AGBL4: variants seen among roughly 807,000 people sequenced by gnomAD.
AGBL4 encodes the protein AGBL carboxypeptidase 4, also known as cytosolic carboxypeptidase 6.
A neutral mutation model predicts 66.4 loss-of-function variants in AGBL4; 58 were observed. The ratio of observed to expected loss-of-function variants is 0.87; its 90% CI spans 0.71 to 1.09. AGBL4 has a LOEUF of 1.09. Among genes scored for constraint, AGBL4 ranks in the 50% least tolerant of loss-of-function variants. AGBL4 has a pLI of 0.00. For missense variants in AGBL4, 579 were observed against 631.0 expected (o/e 0.92, Z 0.88); for synonymous variants, 234 against 222.9 (o/e 1.05, Z -0.44).
intron 3 of AGBL4, among the ~76,000 whole-genome samples, chr1:49,621,025 T>TG (rs1413064286): frequency 6.6e-6 from 1 of 152,168 alleles, no homozygotes; most frequent in Non-Finnish European, 1.5e-5. Flanking sequence ...AGCACCAAAA[T>TG]GACATGTTTG....
intron 2 of AGBL4, among the ~76,000 whole-genome samples, chr1:49,768,459 T>G (rs1643957778): frequency 6.6e-6 from 1 of 152,212 alleles, no homozygotes; most frequent in Non-Finnish European, 1.5e-5. Context: ...GAAAATGCTT[T>G]TGATAGAAAC....
intron 2 of AGBL4, among the ~76,000 whole-genome samples, chr1:49,741,199 T>TA (rs1181756936): frequency 6.6e-6 from 1 of 151,888 alleles, no homozygotes; most frequent in Non-Finnish European, 1.5e-5. Context: ...ATAGATGCAA[T>TA]AAAAAATGAT....
intron 3 of AGBL4, among the ~76,000 whole-genome samples, chr1:49,269,580 AG>A (rs1474357577): frequency 6.6e-6 from 1 of 152,132 alleles, no homozygotes; most frequent in Admixed American, 6.6e-5. Flanking sequence ...ACTACCTGTG[AG>A]GTTTCATTTA....
intron 9 of AGBL4, among the ~76,000 whole-genome samples, chr1:48,622,309 C>T (rs959266863): frequency 1.1e-4 from 17 of 152,182 alleles, no homozygotes; most frequent in Middle Eastern, 3.4e-3. Flanking sequence ...TTGCTTGACC[C>T]CTAAGTCCAG....
chr1:48,691,765 G>A (rs911672025), intron 6 of AGBL4, among the ~76,000 whole-genome samples: 24 of 152,156 alleles, frequency 1.6e-4, no homozygotes, highest in African/African-American at 5.8e-4. Context: ...GCCTCACATA[G>A]CTGTTAGTGC....
At chr1:49,932,070 T>TA (rs973589955) in intron 1 of AGBL4, among the ~76,000 whole-genome samples, 12 of 152,082 alleles carry the variant, frequency 7.9e-5, no homozygotes, top group South Asian at 2.1e-4. Context: ...TATTCCAAAA[T>TA]AAAAAAAATC....
At chr1:48,762,530 TC>T (rs2148664827) in intron 6 of AGBL4, among the ~76,000 whole-genome samples, 1 of 152,232 alleles carries the variant, frequency 6.6e-6, no homozygotes, top group East Asian at 1.9e-4. Flanking sequence ...CACTGGTGTA[TC>T]CCAAATGCGT....
intron 2 of AGBL4, among the ~76,000 whole-genome samples, chr1:49,830,164 T>C (rs918502927): frequency 6.6e-6 from 1 of 152,216 alleles, no homozygotes; most frequent in East Asian, 1.9e-4. Flanking sequence ...ATGGTATTTC[T>C]GGTTCTAGAT....
At chr1:49,116,878 A>T (rs1386564552) in intron 4 of AGBL4, among the ~76,000 whole-genome samples, 1 of 152,162 alleles carries the variant, frequency 6.6e-6, no homozygotes, top group Admixed American at 6.5e-5. Context: ...CCTCTCCAGC[A>T]TCTGTTGTTT....
At chr1:49,623,821 A>G (rs1381977912) in intron 3 of AGBL4, among the ~76,000 whole-genome samples, 1 of 152,232 alleles carries the variant, frequency 6.6e-6, no homozygotes, top group Non-Finnish European at 1.5e-5. Context: ...TGCAGGGCCT[A>G]AAGTACAGCA....
intron 4 of AGBL4, among the ~76,000 whole-genome samples, chr1:49,146,662 T>C (rs1646223914): frequency 6.6e-6 from 1 of 152,188 alleles, no homozygotes; most frequent in Admixed American, 6.5e-5. Context: ...TCATCAGATA[T>C]ACTTGTCATA....
chr1:49,566,332 G>A (rs563545943), intron 3 of AGBL4, among the ~76,000 whole-genome samples: 128 of 152,192 alleles, frequency 8.4e-4, no homozygotes, highest in Middle Eastern at 6.8e-3. Context: ...GCTTTGTTCC[G>A]TTGCTGGTGA....
At position 49,064,085 on chromosome 1, in the gene AGBL4, A is replaced by C. The variant is rs115157169; in HGVS notation, c.378-18285T>G. 5.6e-3 allele frequency among the ~76,000 whole-genome samples: 851 copies of C among 152,328 alleles called. 7 individuals carry two copies. The highest frequency in any genetic ancestry group is 7.0e-3 in the Non-Finnish European group (474 of 68,030). On this transcript the variant is annotated intron_variant, in intron 4 of 13. Transcript: ENST00000371839. ...GGGAATGGTAGTATTTTTCTCACAT[A>C]TTTATTCAAAGCATCTAATAATAAA...
At chr1:49,007,618 A>G (rs1266723599) in intron 5 of AGBL4, among the ~76,000 whole-genome samples, 1 of 152,036 alleles carries the variant, frequency 6.6e-6, no homozygotes, top group Non-Finnish European at 1.5e-5. Context: ...TGTTAAGGGA[A>G]GCCAGAGAGA....
intron 4 of AGBL4, among the ~76,000 whole-genome samples, chr1:49,206,279 T>C (rs569910907): frequency 6.6e-6 from 1 of 152,166 alleles, no homozygotes; most frequent in Middle Eastern, 3.4e-3. Flanking sequence ...GGGATAAATA[T>C]ACTGAATTAC....
chr1:48,733,444 AAAG>A (rs1455149775), intron 6 of AGBL4, among the ~76,000 whole-genome samples: 1 of 152,204 alleles, frequency 6.6e-6, no homozygotes, highest in African/African-American at 2.4e-5. Context: ...TTCCTCTGTG[AAAG>A]AAGAGACAAG....
intron 3 of AGBL4, among the ~76,000 whole-genome samples, chr1:49,336,988 G>T (rs967414807): frequency 1.3e-5 from 2 of 152,134 alleles, no homozygotes; most frequent in African/African-American, 2.4e-5. Context: ...TCAATCTTGA[G>T]ATTAAAAATA....
intron 1 of AGBL4, among the ~76,000 whole-genome samples, chr1:49,881,682 CTTCTT>C (rs1381703565): frequency 1.3e-5 from 2 of 150,556 alleles, no homozygotes; most frequent in African/African-American, 4.9e-5. Flanking sequence ...GCATAAATGT[CTTCTT>C]TTGAGAAGTG....
intron 6 of AGBL4, among the ~76,000 whole-genome samples, chr1:48,856,580 T>TAA (rs1478138588): frequency 3.3e-5 from 5 of 152,166 alleles, no homozygotes; most frequent in Non-Finnish European, 7.4e-5. Context: ...TTGGCCTCTC[T>TAA]TGTTCCCTTA....
Sources: allele counts gnomAD v4.1 joint callset (sites outside exome capture counted in the v4.1 genomes callset), GRCh38; gene constraint gnomAD v4.1.1; transcripts MANE v1.5; gene names NCBI Gene and HGNC (gene_info 2026-07-23, HGNC 2026-07-21).